The following BANP variants were observed in gnomAD, a reference collection of about 807,000 sequenced individuals.
The protein encoded by BANP is protein BANP.
BANP carries 11 observed loss-of-function variants against 68.1 expected under a neutral mutation model. The ratio of observed to expected loss-of-function variants is 0.16; its 90% CI spans 0.10 to 0.27. The LOEUF (loss-of-function observed/expected upper bound fraction) is 0.27. Ranked by LOEUF, BANP falls within the 10% of genes least tolerant of loss-of-function variation. BANP has a pLI of 1.00. For missense variants in BANP, 504 were observed against 722.7 expected, an observed-to-expected ratio of 0.70 and a Z score of 3.47; for synonymous variants, 329 against 303.2, an observed-to-expected ratio of 1.09 and a Z score of -0.88.
chr16:87,972,935 C>T (rs1036058118), intron 1 of BANP, among the ~76,000 whole-genome samples: 1 of 152,196 alleles, frequency 6.6e-6, no homozygotes, highest in African/African-American at 2.4e-5. Context: ...CTGGTGGATC[C>T]TGCAGCTGCT....
intron 12 of BANP, among the ~76,000 whole-genome samples, chr16:88,070,871 T>A (rs1256285631): frequency 6.6e-6 from 1 of 152,128 alleles, no homozygotes. Context: ...CAATGTAGAG[T>A]GAATTATACT....
At chr16:87,974,740 G>A (rs986562633) in intron 1 of BANP, among the ~76,000 whole-genome samples, 3 of 152,170 alleles carry the variant, frequency 2.0e-5, no homozygotes, top group African/African-American at 7.2e-5. Flanking sequence ...TGGGCTGAGG[G>A]AGAGGACGTT....
intron 12 of BANP, among the ~76,000 whole-genome samples, chr16:88,068,231 G>T (rs544144897): frequency 6.6e-6 from 1 of 152,232 alleles, no homozygotes; most frequent in African/African-American, 2.4e-5. Flanking sequence ...CGGGCTTACC[G>T]TGTGCTCCTC....
At chr16:88,058,121 G>T (rs781584154) in intron 11 of BANP, among the ~76,000 whole-genome samples, 1 of 149,224 alleles carries the variant, frequency 6.7e-6, no homozygotes, top group African/African-American at 2.6e-5. Flanking sequence ...CTTTCATCTA[G>T]AGACTGTAGA....
rs10660621 is a variant in BANP, at chr16:87,962,239, C to CA, written c.-69+10741dup. On this transcript the variant is annotated intron_variant, in intron 1 of 13. Coordinates refer to ENST00000682872, the MANE Select transcript of BANP (RefSeq NM_001386991.1). ...TGGGCTACAGAGCGAGACTTGGTCT[C>CA]AAAAAAAAAAAAAAAAAGAAAGCAC... Among the ~76,000 whole-genome samples, 211 of 79,730 alleles carry CA rather than the reference C, an allele frequency of 2.6e-3. 6 individuals are homozygous for CA. Among genetic ancestry groups the CA allele is most frequent in the Middle Eastern group, 8.9e-3 (1 of 112 alleles). The allele number at this position is 79,730 out of a possible 152,430, so 52.3% of individuals were successfully genotyped here.
chr16:88,067,854 T>C (rs1434124635), intron 12 of BANP, among the ~76,000 whole-genome samples: 4 of 152,200 alleles, frequency 2.6e-5, no homozygotes, highest in Non-Finnish European at 4.4e-5. Context: ...CACCCTGAGA[T>C]GAGGGAACCC....
intron 1 of BANP, among the ~76,000 whole-genome samples, chr16:87,971,039 C>G (rs2061019310): frequency 6.6e-6 from 1 of 150,466 alleles, no homozygotes; most frequent in Non-Finnish European, 1.5e-5. Context: ...AAGAACTCTA[C>G]CACTTCTTAC....
chr16:88,012,643 G>A (rs1428324311), intron 6 of BANP, among the ~76,000 whole-genome samples: 1 of 152,196 alleles, frequency 6.6e-6, no homozygotes, highest in Non-Finnish European at 1.5e-5. Context: ...CTGAGCCATC[G>A]CCTGAAAAGT....
chr16:88,071,546 G>C lies in BANP; in HGVS notation c.1378-523G>C. 2.2e-6 allele frequency: 1 copy of C among 456,736 alleles called. No homozygotes were observed. The highest frequency in any genetic ancestry group is 1.5e-5 in the South Asian group (1 of 64,570). The allele number at this position is 456,736 out of a possible 1,614,324, so 28.3% of individuals were successfully genotyped here. A position where few individuals can be genotyped will look rare whatever the true frequency, so the allele number is the denominator to read the frequency against. On this transcript the variant is annotated intron_variant, in intron 12 of 13. Transcript: ENST00000682872. This position sits in a 1 kb window ranked among gnomAD's most constrained non-coding sequence, Gnocchi z 6.5. ...GGAACTGGGCCTCACTTTCCTGCGA[G>C]CTTCTGCTGGGTTCTCAGTGCCCAC...
At chr16:88,005,964 T>C (rs1015591199) in intron 5 of BANP, 126 bp from the exon 6 acceptor site, 2 of 1,091,040 alleles carry the variant, frequency 1.8e-6, no homozygotes, top group African/African-American at 3.1e-5. Flanking sequence ...GAGAGAGCAG[T>C]ATGGGAAGGC....
At chr16:87,969,910 T>C (rs1323220430) in intron 1 of BANP, 1 of 6,816 alleles carries the variant, frequency 1.5e-4, no homozygotes, top group East Asian at 2.6e-3. Context: ...TTGATTGGTC[T>C]TTTTTTTTTT....
At chr16:88,045,328 C>T (rs2081743388) in intron 11 of BANP, among the ~76,000 whole-genome samples, 1 of 152,220 alleles carries the variant, frequency 6.6e-6, no homozygotes, top group Admixed American at 6.5e-5. Context: ...GCTGTCCATG[C>T]CCCTCTACGC....
intron 4 of BANP, among the ~76,000 whole-genome samples, chr16:87,990,227 C>T (rs2065577709): frequency 6.6e-6 from 1 of 152,106 alleles, no homozygotes; most frequent in African/African-American, 2.4e-5. Flanking sequence ...GAACATTAAA[C>T]AATTAAAGAA....
chr16:88,003,679 T>C lies in BANP; in HGVS notation c.363-616T>C, dbSNP rs2070103828. On this transcript the variant is annotated intron_variant, in intron 4 of 13. Transcript: ENST00000682872. This position sits in a 1 kb window ranked among gnomAD's most constrained non-coding sequence, Gnocchi z 6.1. Reference sequence around the variant, plus strand: ...TTCTGGGCCATGGTCTGTTCTTTTGTAGAATCTTTTCCTTCAAAGCAGAAC... The same window carrying C: ...TTCTGGGCCATGGTCTGTTCTTTTGCAGAATCTTTTCCTTCAAAGCAGAAC... 2.8e-6 allele frequency: 1 copy of C among 363,416 alleles called. No individual in the cohort carries two copies. The highest frequency in any genetic ancestry group is 2.1e-5 in the South Asian group (1 of 48,022). 22.5% of individuals were successfully genotyped at this position (363,416 alleles called of 1,614,324 possible). A position where few individuals can be genotyped will look rare whatever the true frequency, so the allele number is the denominator to read the frequency against.
intron 1 of BANP, among the ~76,000 whole-genome samples, chr16:87,968,979 T>C (rs1162294121): frequency 6.6e-6 from 1 of 152,198 alleles, no homozygotes; most frequent in Non-Finnish European, 1.5e-5. Context: ...CCCCAGGCTG[T>C]TGTAGGTCTT....
intron 8 of BANP, among the ~76,000 whole-genome samples, chr16:88,030,786 T>A (rs1183676008): frequency 6.6e-6 from 1 of 152,206 alleles, no homozygotes; most frequent in Non-Finnish European, 1.5e-5. Flanking sequence ...ACACCCATTC[T>A]TTGCTTGTCT....
At chr16:87,973,992 G>T (rs538653562) in intron 1 of BANP, among the ~76,000 whole-genome samples, 1 of 152,278 alleles carries the variant, frequency 6.6e-6, no homozygotes, top group South Asian at 2.1e-4. Flanking sequence ...CTTCTGCGAT[G>T]GGGGTTGTGG....
chr16:87,960,353 T>G (rs2058917477), intron 1 of BANP, among the ~76,000 whole-genome samples: 1 of 152,138 alleles, frequency 6.6e-6, no homozygotes, highest in Non-Finnish European at 1.5e-5. Flanking sequence ...AGAGCCACAC[T>G]TGAGGATGGG....
intron 3 of BANP, among the ~76,000 whole-genome samples, chr16:87,982,998 G>T (rs963304747): frequency 1.3e-5 from 2 of 152,146 alleles, no homozygotes; most frequent in Non-Finnish European, 2.9e-5. Flanking sequence ...CCGGCCTCCC[G>T]CTCCCCTGTG....
Sources: allele counts gnomAD v4.1 joint callset (sites outside exome capture counted in the v4.1 genomes callset), GRCh38; gene constraint gnomAD v4.1.1; non-coding constraint Gnocchi (gnomAD v3.1); transcripts MANE v1.5; gene names NCBI Gene and HGNC (gene_info 2026-07-23, HGNC 2026-07-21).